Variants in CRPPA observed in about 807,000 individuals in gnomAD.
CRPPA encodes D-ribitol-5-phosphate cytidylyltransferase.
In CRPPA, 43 loss-of-function variants were observed where a neutral mutation model predicts 52.0. That is an observed-to-expected ratio of 0.83 (90% confidence interval 0.65 to 1.07). The LOEUF is 1.07. Among genes scored for constraint, CRPPA ranks in the 50% least tolerant of loss-of-function variants. The probability of loss-of-function intolerance (pLI) is 0.00; values close to 1 mark genes in which losing one functional copy is unlikely to be tolerated. For synonymous variants in CRPPA, 250 were observed against 203.5 expected (o/e 1.23, Z -1.94); for missense variants, 629 against 551.7 (o/e 1.14, Z -1.40).
rs116853586 is a variant in CRPPA, at chr7:16,232,757, C to T, written c.1120-16560G>A. Among the ~76,000 whole-genome samples the T allele has an allele frequency of 5.3e-5, 8 of 152,152 alleles. No homozygotes were observed. The East Asian group carries it at 9.7e-4, about 18-fold the overall frequency. On this transcript the variant is annotated intron_variant, in intron 8 of 9. Transcript: ENST00000407010. The stretch of plus-strand genomic sequence containing the variant: ...TTAATTACTTACATCTGGAACAAAG[C>T]TCATATTTATAAGAATACAAAAACA...
chr7:16,127,955 C>T (rs1221799611), intron 9 of CRPPA, among the ~76,000 whole-genome samples: 1 of 152,126 alleles, frequency 6.6e-6, no homozygotes, highest in Non-Finnish European at 1.5e-5. Context: ...TTAGTTCATG[C>T]AATTTTTGAG....
intron 2 of CRPPA, among the ~76,000 whole-genome samples, chr7:16,391,449 T>C (rs1787442778): frequency 6.6e-6 from 1 of 152,164 alleles, no homozygotes. Flanking sequence ...ACTCTTGTCC[T>C]TCCACAGCCT....
At chr7:16,192,678 C>T (rs143745364) in intron 9 of CRPPA, among the ~76,000 whole-genome samples, 8 of 152,094 alleles carry the variant, frequency 5.3e-5, no homozygotes, top group Non-Finnish European at 1.0e-4. Context: ...ACTTTGTTGT[C>T]GTATGTCTGT....
At chr7:16,359,557 C>T (rs1786389428) in intron 3 of CRPPA, among the ~76,000 whole-genome samples, 1 of 152,110 alleles carries the variant, frequency 6.6e-6, no homozygotes, top group African/African-American at 2.4e-5. Context: ...AACTTTTGTC[C>T]CCTCCTGACC....
chr7:16,408,934 C>G (rs1009749278), intron 1 of CRPPA, among the ~76,000 whole-genome samples: 1 of 152,190 alleles, frequency 6.6e-6, no homozygotes, highest in Admixed American at 6.5e-5. Context: ...CAGAGTCTCA[C>G]TCTGTCACCC....
intron 3 of CRPPA, among the ~76,000 whole-genome samples, chr7:16,367,787 T>C (rs1475183468): frequency 6.6e-6 from 1 of 152,122 alleles, no homozygotes; most frequent in Non-Finnish European, 1.5e-5. Flanking sequence ...TCTTTAAAAA[T>C]GCGGGGAGGG....
intron 9 of CRPPA, among the ~76,000 whole-genome samples, chr7:16,213,378 AT>A (rs1421455568): frequency 6.6e-6 from 1 of 151,484 alleles, no homozygotes; most frequent in Non-Finnish European, 1.5e-5. Context: ...AAAAAATTTC[AT>A]TTTATTGTTC....
intron 5 of CRPPA, among the ~76,000 whole-genome samples, chr7:16,285,741 G>A (rs970011866): frequency 5.9e-5 from 9 of 151,686 alleles, no homozygotes; most frequent in African/African-American, 1.9e-4. Context: ...AAATTATGTT[G>A]GCCAGGCGCG....
At chr7:16,313,604 A>G (rs1785083145) in intron 3 of CRPPA, among the ~76,000 whole-genome samples, 1 of 151,898 alleles carries the variant, frequency 6.6e-6, no homozygotes, top group South Asian at 2.1e-4. Flanking sequence ...CTAGTTTCCT[A>G]AAATGGAAGC....
At chr7:16,382,612 G>C (rs1370566653) in intron 2 of CRPPA, among the ~76,000 whole-genome samples, 2 of 151,932 alleles carry the variant, frequency 1.3e-5, no homozygotes, top group Admixed American at 6.6e-5. Flanking sequence ...CATTCTCCCC[G>C]TCACTTTCAG....
At chr7:16,207,207 T>C (rs1441592209) in intron 9 of CRPPA, among the ~76,000 whole-genome samples, 1 of 152,162 alleles carries the variant, frequency 6.6e-6, no homozygotes, top group Non-Finnish European at 1.5e-5. Context: ...TCCACTCTCA[T>C]TCCTGGAAAA....
chr7:16,184,143 A>G (rs981244275), intron 9 of CRPPA, among the ~76,000 whole-genome samples: 3 of 151,906 alleles, frequency 2.0e-5, no homozygotes, highest in Admixed American at 6.6e-5. Context: ...GAGTTTCACC[A>G]TGTTAGCCAG....
intron 4 of CRPPA, among the ~76,000 whole-genome samples, chr7:16,307,965 G>A (rs1335809634): frequency 1.3e-5 from 2 of 151,066 alleles, no homozygotes; most frequent in Non-Finnish European, 2.9e-5. Flanking sequence ...CTGTGTCCCT[G>A]CCCAAATCTC....
intron 6 of CRPPA, among the ~76,000 whole-genome samples, chr7:16,260,781 G>A (rs1037802637): frequency 6.6e-6 from 1 of 151,908 alleles, no homozygotes; most frequent in Non-Finnish European, 1.5e-5. Flanking sequence ...GAAAACATGA[G>A]AGATATTCTG....
chr7:16,114,711 A>G (rs1020601865), intron 9 of CRPPA, among the ~76,000 whole-genome samples: 4 of 152,000 alleles, frequency 2.6e-5, no homozygotes, highest in Non-Finnish European at 5.9e-5. Flanking sequence ...AAGAAAAAAA[A>G]TTAGGTTCCT....
intron 9 of CRPPA, among the ~76,000 whole-genome samples, chr7:16,144,209 C>G (rs1782927461): frequency 6.6e-6 from 1 of 152,218 alleles, no homozygotes; most frequent in African/African-American, 2.4e-5. Context: ...CTCCCCAGTC[C>G]TGCCAAGAGC....
At chr7:16,139,859 T>G (rs1035823897) in intron 9 of CRPPA, among the ~76,000 whole-genome samples, 1 of 152,184 alleles carries the variant, frequency 6.6e-6, no homozygotes, top group African/African-American at 2.4e-5. Flanking sequence ...TATTTAAAGA[T>G]TAACCACCTA....
intron 2 of CRPPA, 110 bp from the exon 3 acceptor site, chr7:16,376,351 T>A (rs988321518): frequency 1.6e-5 from 17 of 1,087,886 alleles, no homozygotes; most frequent in Non-Finnish European, 2.2e-5. Context: ...TTCAACAAGC[T>A]ACCTTAAGAA....
intron 9 of CRPPA, among the ~76,000 whole-genome samples, chr7:16,208,662 T>A (rs1782031754): frequency 6.6e-6 from 1 of 152,154 alleles, no homozygotes; most frequent in Non-Finnish European, 1.5e-5. Flanking sequence ...AAGAAGGCTA[T>A]CTTTGGCTAA....
Sources: gnomAD v4.1 joint callset for allele counts (sites outside exome capture counted in the v4.1 genomes callset) on GRCh38, gnomAD v4.1.1 for gene constraint, MANE v1.5 for transcripts, NCBI Gene and HGNC (gene_info 2026-07-23, HGNC 2026-07-21) for gene names.